The following AIG1 variants were observed in gnomAD, a reference collection of about 807,000 sequenced individuals.
AIG1 encodes the protein androgen-induced gene 1 protein.
In AIG1, 23 loss-of-function variants were observed where a neutral mutation model predicts 31.4. That is an observed-to-expected ratio of 0.73 (90% confidence interval 0.53 to 1.04). The LOEUF is 1.04. Among genes scored for constraint, AIG1 ranks in the 50% least tolerant of loss-of-function variants. AIG1 has a pLI of 0.00. For synonymous variants in AIG1, 100 were observed against 110.5 expected, an observed-to-expected ratio of 0.90 and a Z score of 0.60; for missense variants, 274 against 295.0, an observed-to-expected ratio of 0.93 and a Z score of 0.52.
At chr6:143,229,371 TC>T (rs1409197473) in intron 3 of AIG1, among the ~76,000 whole-genome samples, 3 of 152,236 alleles carry the variant, frequency 2.0e-5, no homozygotes, top group Non-Finnish European at 4.4e-5. Context: ...AAATTGGGAA[TC>T]CCAGCAAAGC....
At chr6:143,267,706 A>C (rs1031391008) in intron 3 of AIG1, among the ~76,000 whole-genome samples, 1 of 152,202 alleles carries the variant, frequency 6.6e-6, no homozygotes, top group African/African-American at 2.4e-5. Flanking sequence ...ATATGGAGTC[A>C]GGGAGATACA....
intron 1 of AIG1, among the ~76,000 whole-genome samples, chr6:143,110,127 C>T (rs891445124): frequency 1.2e-4 from 18 of 152,138 alleles, no homozygotes; most frequent in Non-Finnish European, 2.6e-4. Flanking sequence ...TGCCCTATAG[C>T]AGTTGACCGT....
rs1474939633 is a variant in AIG1, at chr6:143,156,590, C to T, written c.298-8492C>T. Among the ~76,000 whole-genome samples, 4 of 152,150 alleles carry T rather than the reference C, an allele frequency of 2.6e-5. No homozygotes were observed. In the East Asian group the frequency reaches 5.8e-4, roughly 22 times the overall value. On this transcript the variant is annotated intron_variant, in intron 2 of 5. Transcript: ENST00000357847. ...AGTATATCTGTCTGTTGCACTTCTA[C>T]GTGAATGGTGTTGTCTTAGATTGGA...
chr6:143,170,725 A>G (rs1328614951), intron 3 of AIG1, among the ~76,000 whole-genome samples: 2 of 151,242 alleles, frequency 1.3e-5, no homozygotes, highest in African/African-American at 4.9e-5. Flanking sequence ...GCATCTTTAG[A>G]TTGTCTATTT....
chr6:143,189,608 T>G (rs1015562435), intron 3 of AIG1: 13 of 985,332 alleles, frequency 1.3e-5, no homozygotes, highest in Non-Finnish European at 1.6e-5. Flanking sequence ...AATATTTCAT[T>G]GTTTTACCCT....
intron 3 of AIG1, among the ~76,000 whole-genome samples, chr6:143,213,488 GTTCTTTCTTT>G (rs1261635712): frequency 8.0e-6 from 1 of 125,182 alleles, no homozygotes; most frequent in African/African-American, 2.9e-5. Flanking sequence ...TGTCTGGAAA[GTTCTTTCTTT>G]TTCTTTCTTC....
chr6:143,255,463 G>A (rs1479986612), intron 3 of AIG1, among the ~76,000 whole-genome samples: 1 of 152,086 alleles, frequency 6.6e-6, no homozygotes, highest in Non-Finnish European at 1.5e-5. Flanking sequence ...CATGCCCCTG[G>A]TGTCTCTGTC....
intron 4 of AIG1, among the ~76,000 whole-genome samples, chr6:143,314,826 C>G (rs952747296): frequency 6.6e-6 from 1 of 152,058 alleles, no homozygotes; most frequent in Non-Finnish European, 1.5e-5. Flanking sequence ...CATAAACACA[C>G]TCTTTGAGGA....
chr6:143,216,828 A>T (rs1258892402), intron 3 of AIG1, among the ~76,000 whole-genome samples: 2 of 152,178 alleles, frequency 1.3e-5, no homozygotes, highest in Admixed American at 1.3e-4. Flanking sequence ...AGGGGAGAGG[A>T]GGAATCTCAA....
At chr6:143,075,327 T>C (rs915123825) in intron 1 of AIG1, among the ~76,000 whole-genome samples, 3 of 152,182 alleles carry the variant, frequency 2.0e-5, no homozygotes, top group Admixed American at 1.3e-4. Flanking sequence ...TTGTTTTGTT[T>C]TGTTTTTTGA....
At chr6:143,126,850 A>G (rs1312068057) in intron 1 of AIG1, among the ~76,000 whole-genome samples, 1 of 152,130 alleles carries the variant, frequency 6.6e-6, no homozygotes, top group Non-Finnish European at 1.5e-5. Context: ...TATGTTTTAT[A>G]TGTACATATC....
At chr6:143,123,836 A>G (rs1782435886) in intron 1 of AIG1, among the ~76,000 whole-genome samples, 1 of 152,238 alleles carries the variant, frequency 6.6e-6, no homozygotes, top group Non-Finnish European at 1.5e-5. Context: ...TATCTAACAT[A>G]AGCATCACAC....
chr6:143,182,240 C>T (rs191440034), intron 3 of AIG1, among the ~76,000 whole-genome samples: 6 of 152,264 alleles, frequency 3.9e-5, no homozygotes, highest in Non-Finnish European at 8.8e-5. Context: ...CACTATGTTG[C>T]CTAGGCTGAT....
intron 3 of AIG1, among the ~76,000 whole-genome samples, chr6:143,239,753 A>T (rs187213521): frequency 6.6e-6 from 1 of 152,330 alleles, no homozygotes; most frequent in African/African-American, 2.4e-5. Context: ...GGACAATTGG[A>T]TGATCAAATA....
In AIG1 at chr6:143,120,485, G is replaced by T. The variant is rs952748138; in HGVS notation, c.142-16350G>T. Among the ~76,000 whole-genome samples the T allele has an allele frequency of 2.8e-4, 43 of 152,290 alleles. 1 individual carries two copies. The highest frequency in any genetic ancestry group is 5.2e-4 in the Admixed American group (8 of 15,294). ...GATGGAAGGTGAAGGAGGAGCAAAGGCATGTCTTACATAGAGGCAGGGAAG... is the reference window on the plus strand; with the variant it reads ...GATGGAAGGTGAAGGAGGAGCAAAGTCATGTCTTACATAGAGGCAGGGAAG... On this transcript the variant is annotated intron_variant, in intron 1 of 5. Coordinates refer to ENST00000357847, the MANE Select transcript of AIG1 (RefSeq NM_016108.4).
intron 1 of AIG1, among the ~76,000 whole-genome samples, chr6:143,103,751 C>T (rs889443748): frequency 6.6e-6 from 1 of 151,924 alleles, no homozygotes; most frequent in Non-Finnish European, 1.5e-5. Context: ...TCGTGATCCG[C>T]CCGCCTCGGC....
At chr6:143,261,411 T>A (rs1036754155) in intron 3 of AIG1, among the ~76,000 whole-genome samples, 6 of 152,190 alleles carry the variant, frequency 3.9e-5, no homozygotes, top group African/African-American at 1.2e-4. Context: ...GGATTACAGA[T>A]GTGAGCCAAT....
intron 3 of AIG1, among the ~76,000 whole-genome samples, chr6:143,240,690 C>T (rs1320593250): frequency 1.3e-5 from 2 of 152,018 alleles, no homozygotes; most frequent in African/African-American, 2.4e-5. Flanking sequence ...TGTCATGAAC[C>T]AAAATCTGTA....
intron 4 of AIG1, among the ~76,000 whole-genome samples, chr6:143,287,737 TAA>T (rs59551903): frequency 0.31 from 23,859 of 76,402 alleles, 2,822 homozygotes; most frequent in Admixed American, 0.38. Context: ...CTGACTACAG[TAA>T]AAAAAAAAAA....
Sources: gnomAD v4.1 joint callset for allele counts (sites outside exome capture counted in the v4.1 genomes callset) on GRCh38, gnomAD v4.1.1 for gene constraint, MANE v1.5 for transcripts, NCBI Gene and HGNC (gene_info 2026-07-23, HGNC 2026-07-21) for gene names.